Variants in METTL15 observed in about 807,000 individuals in gnomAD.
METTL15 encodes 12S rRNA N(4)-cytidine methyltransferase METTL15.
A neutral mutation model predicts 38.3 loss-of-function variants in METTL15; 34 were observed. The ratio of observed to expected loss-of-function variants is 0.89; its 90% CI spans 0.68 to 1.18. METTL15 has a LOEUF of 1.18. METTL15 is among the 50% of genes most tolerant of loss of function. METTL15 has a pLI of 0.00. For synonymous variants in METTL15, 162 were observed against 170.9 expected (o/e 0.95, Z 0.41); for missense variants, 438 against 498.4 (o/e 0.88, Z 1.15).
intron 6 of METTL15, among the ~76,000 whole-genome samples, chr11:28,475,585 A>G (rs1851339201): frequency 6.6e-6 from 1 of 152,154 alleles, no homozygotes; most frequent in Non-Finnish European, 1.5e-5. Context: ...GATCTTCTAC[A>G]GGGTGTATTC....
chr11:28,216,830 C>G (rs759220996), intron 4 of METTL15, among the ~76,000 whole-genome samples: 6 of 150,790 alleles, frequency 4.0e-5, no homozygotes, highest in African/African-American at 1.2e-4. Flanking sequence ...TCTGTCCTTG[C>G]GATAGTTTGC....
chr11:28,126,481 A>G (rs1590765158), intron 3 of METTL15, among the ~76,000 whole-genome samples: 1 of 152,102 alleles, frequency 6.6e-6, no homozygotes, highest in Admixed American at 6.6e-5. Context: ...AAGATACCCC[A>G]TAAATATTTG....
At position 28,325,656 on chromosome 11, in the gene METTL15, T is replaced by G. The variant is rs11602474; in HGVS notation, c.779-4740T>G. 2.8e-3 allele frequency among the ~76,000 whole-genome samples: 430 copies of G among 152,358 alleles called. 2 individuals carry two copies. Among genetic ancestry groups the G allele is most frequent in the Non-Finnish European group, 4.9e-3 (332 of 68,036 alleles). On this transcript the variant is annotated intron_variant, in intron 6 of 6. Transcript: ENST00000407364. ...ATGTCAAAATCCTCTGTGAAGCTTT[T>G]CAAAAGTAGTGATTCCTGAGTAATA...
At chr11:28,407,648 A>G (rs886514049) in intron 5 of METTL15, among the ~76,000 whole-genome samples, 2 of 152,142 alleles carry the variant, frequency 1.3e-5, no homozygotes, top group African/African-American at 2.4e-5. Context: ...TTAAAAAGTA[A>G]AGAAACAACA....
chr11:28,337,365 T>C (rs1427734082), downstream of METTL15, among the ~76,000 whole-genome samples: 2 of 152,046 alleles, frequency 1.3e-5, no homozygotes, highest in South Asian at 2.1e-4. Flanking sequence ...CTGAGTTTTA[T>C]AGAAATAAAA....
intron 3 of METTL15, among the ~76,000 whole-genome samples, chr11:28,192,319 A>G (rs1230850882): frequency 6.6e-6 from 1 of 151,904 alleles, no homozygotes; most frequent in Non-Finnish European, 1.5e-5. Context: ...TATTGCAACA[A>G]TTCCAAAATA....
chr11:28,499,329 T>C (rs917294601), intron 6 of METTL15, among the ~76,000 whole-genome samples: 3 of 152,204 alleles, frequency 2.0e-5, no homozygotes, highest in Admixed American at 2.0e-4. Flanking sequence ...ATACAATAAT[T>C]GTCATTATAA....
At chr11:28,291,276 C>A (rs1409351198) in intron 5 of METTL15, among the ~76,000 whole-genome samples, 1 of 151,990 alleles carries the variant, frequency 6.6e-6, no homozygotes, top group Non-Finnish European at 1.5e-5. Context: ...GATCTCCTGA[C>A]CTCAAGTGAT....
chr11:28,169,850 C>T (rs1850790127), intron 3 of METTL15, among the ~76,000 whole-genome samples: 1 of 151,964 alleles, frequency 6.6e-6, no homozygotes, highest in South Asian at 2.1e-4. Flanking sequence ...ACTTTTGCAG[C>T]AGAGTGTTGT....
chr11:28,372,450 CTTT>C (rs56304548), intron 5 of METTL15, among the ~76,000 whole-genome samples: 1 of 101,562 alleles, frequency 9.8e-6, no homozygotes, highest in African/African-American at 3.7e-5. Context: ...TTGTTGTGTT[CTTT>C]TTTTTTTTTT....
chr11:28,235,251 C>T (rs1853897889), intron 4 of METTL15, among the ~76,000 whole-genome samples: 2 of 152,000 alleles, frequency 1.3e-5, no homozygotes, highest in Admixed American at 6.6e-5. Context: ...ATGCCTCCAG[C>T]TTTGTTCTTG....
chr11:28,138,427 AT>A (rs1232511197), intron 3 of METTL15, among the ~76,000 whole-genome samples: 6 of 152,200 alleles, frequency 3.9e-5, no homozygotes, highest in Non-Finnish European at 2.9e-5. Flanking sequence ...AGTGGCCAAT[AT>A]TTCTAACTTT....
chr11:28,413,550 A>G (rs1211005485), intron 5 of METTL15, among the ~76,000 whole-genome samples: 1 of 152,172 alleles, frequency 6.6e-6, no homozygotes, highest in South Asian at 2.1e-4. Context: ...ACGTTCTAAT[A>G]CTAATGACTT....
At chr11:28,426,799 T>C (rs1850869816) in intron 6 of METTL15, among the ~76,000 whole-genome samples, 1 of 152,058 alleles carries the variant, frequency 6.6e-6, no homozygotes, top group Non-Finnish European at 1.5e-5. Context: ...TTTTTTTTTC[T>C]TGTAAATGTG....
At chr11:28,371,441 A>G (rs1242233740) in intron 5 of METTL15, among the ~76,000 whole-genome samples, 1 of 151,948 alleles carries the variant, frequency 6.6e-6, no homozygotes, top group East Asian at 1.9e-4. Context: ...TTTGTAGCAT[A>G]TTTGGAAGTA....
intron 3 of METTL15, among the ~76,000 whole-genome samples, chr11:28,141,284 T>C (rs1015525430): frequency 6.6e-6 from 1 of 152,128 alleles, no homozygotes; most frequent in African/African-American, 2.4e-5. Context: ...ACTGGTTGAG[T>C]CAGTTCCTTG....
intron 3 of METTL15, among the ~76,000 whole-genome samples, chr11:28,351,718 C>T (rs1164095156): frequency 6.6e-6 from 1 of 152,138 alleles, no homozygotes; most frequent in East Asian, 1.9e-4. Context: ...ACAAGAACAA[C>T]ATTCACCAGT....
At chr11:28,334,780 G>A (rs988020975), downstream of METTL15, among the ~76,000 whole-genome samples, 1 of 152,070 alleles carries the variant, frequency 6.6e-6, no homozygotes, top group Non-Finnish European at 1.5e-5. Flanking sequence ...TTTTTTTAAA[G>A]TCTAGTTGCA....
chr11:28,415,005 C>G (rs1401084915), intron 5 of METTL15, among the ~76,000 whole-genome samples: 1 of 152,202 alleles, frequency 6.6e-6, no homozygotes, highest in Non-Finnish European at 1.5e-5. Flanking sequence ...GAAAACCCAA[C>G]AGGAACTTAA....
Sources: gnomAD v4.1 joint callset for allele counts (sites outside exome capture counted in the v4.1 genomes callset) on GRCh38, gnomAD v4.1.1 for gene constraint, MANE v1.5 for transcripts, NCBI Gene and HGNC (gene_info 2026-07-23, HGNC 2026-07-21) for gene names.